The following IL17D variants were observed in gnomAD, a reference collection of about 807,000 sequenced individuals.
The protein encoded by IL17D is interleukin-17D.
A neutral mutation model predicts 5.7 loss-of-function variants in IL17D; 10 were observed. The ratio of observed to expected loss-of-function variants is 1.75; its 90% CI spans 1.08 to 2.97. IL17D has a LOEUF of 2.97. Among genes scored for constraint, IL17D ranks in the 30% most tolerant of loss-of-function variants. IL17D has a pLI of 0.00. For synonymous variants in IL17D, 172 were observed against 141.7 expected, an observed-to-expected ratio of 1.21 and a Z score of -1.52; for missense variants, 354 against 292.7, an observed-to-expected ratio of 1.21 and a Z score of -1.53.
chr13:20,716,289 A>G lies in IL17D; in HGVS notation c.291-5347A>G, dbSNP rs2058678971. Among the ~76,000 whole-genome samples, 1 of 152,050 alleles carries G rather than the reference A, an allele frequency of 6.6e-6. No individual in the cohort carries two copies. The highest frequency in any genetic ancestry group is 2.4e-5 in the African/African-American group (1 of 41,382). On this transcript the variant is annotated intron_variant, in intron 1 of 1. Transcript: ENST00000682841. This position sits in a 1 kb window ranked among gnomAD's most constrained non-coding sequence, Gnocchi z 4.2. Reference sequence around the variant, plus strand: ...GAGTCTGCCCCCTCATTTCTTTTTCAAAATTGTCTTGAGTATTCTTGGCCC... The same window carrying G: ...GAGTCTGCCCCCTCATTTCTTTTTCGAAATTGTCTTGAGTATTCTTGGCCC...
upstream of IL17D, chr13:20,703,278 G>C (rs998564931): frequency 2.0e-6 from 2 of 986,058 alleles, no homozygotes; most frequent in African/African-American, 3.5e-5. Flanking sequence ...ATCTCGGCGC[G>C]AATCTGAAAG....
At chr13:20,703,524 G>A (rs2058560764), upstream of IL17D, 1 of 737,940 alleles carries the variant, frequency 1.4e-6, no homozygotes, top group Non-Finnish European at 1.7e-6. Flanking sequence ...GCGGGCGGAT[G>A]ACGAGGCGCA....
At chr13:20,718,494 AC>A (rs2058697827) in intron 1 of IL17D, among the ~76,000 whole-genome samples, 2 of 106,918 alleles carry the variant, frequency 1.9e-5, no homozygotes, top group Non-Finnish European at 3.9e-5. Flanking sequence ...CTGCCCCCAC[AC>A]ACCTGCCCAC....
chr13:20,704,089 G>GC lies in IL17D; in HGVS notation c.88_89insC (p.Gly30AlafsTer35). On this transcript the variant is annotated frameshift_variant, in exon 1 of 2. Coordinates refer to ENST00000682841, the MANE Select transcript of IL17D (RefSeq NM_001385224.1). LOFTEE classifies it high-confidence loss of function. ...GGGCAGGCGCCCCGCGCGGCCGCGG[G>GC]GCTGCGCGGACCGGCCGGAGGAGCT... The GC allele has an allele frequency of 1.6e-6, 2 of 1,218,048 alleles. No individual in the cohort carries two copies. The highest frequency in any genetic ancestry group is 2.1e-6 in the Non-Finnish European group (2 of 970,304). The allele number at this position is 1,218,048 out of a possible 1,614,324, so 75.5% of individuals were successfully genotyped here. A position where few individuals can be genotyped will look rare whatever the true frequency, so the allele number is the denominator to read the frequency against.
At chr13:20,704,342 C>T (rs1443250889) in intron 1 of IL17D, 51 bp downstream of exon 1, 1 of 194,946 alleles carries the variant, frequency 5.1e-6, no homozygotes. Flanking sequence ...GAGGGCAGGG[C>T]TGGGCGGGGA....
chr13:20,721,969 C>T lies in IL17D; in HGVS notation c.*15C>T, dbSNP rs779781360. ...CTGGCCCCTGAGGCCGGTCCTGCCC[C>T]GGGAGGTCTCCCCGGCCCGCATCCC... is the stretch of plus-strand genomic sequence containing the variant. On this transcript the variant is annotated 3_prime_UTR_variant, in exon 2 of 2. Coordinates refer to ENST00000682841, the MANE Select transcript of IL17D (RefSeq NM_001385224.1). 7.7e-6 allele frequency: 12 copies of T among 1,562,860 alleles called. No individual in the cohort carries two copies. The South Asian group carries it at 1.3e-4, about 17-fold the overall frequency.
rs1387445083 is a variant in IL17D at position 20,704,330 on chromosome 13, G to C, written c.290+39G>C. Reference sequence around the variant, plus strand: ...GCGTCCTGGCGGGGCCCGGCAGGTGGGGAGGGCAGGGCTGGGCGGGGAGAG... The same window carrying C: ...GCGTCCTGGCGGGGCCCGGCAGGTGCGGAGGGCAGGGCTGGGCGGGGAGAG... On this transcript the variant is annotated intron_variant, in intron 1 of 1. Transcript: ENST00000682841. 7.8e-6 allele frequency: 9 copies of C among 1,149,216 alleles called. No individual in the cohort carries two copies. The East Asian group carries it at 1.9e-4, about 25-fold the overall frequency. 71.2% of individuals were successfully genotyped at this position (1,149,216 alleles called of 1,614,324 possible).
chr13:20,708,046 G>T (rs9509342), intron 1 of IL17D, among the ~76,000 whole-genome samples: 97,433 of 152,176 alleles, frequency 0.64, 32,634 homozygotes, highest in Non-Finnish European at 0.75. Flanking sequence ...TGGAGTAGCT[G>T]GGATTACAGG....
upstream of IL17D, chr13:20,702,670 C>T (rs560084194): frequency 6.6e-6 from 1 of 152,278 alleles, no homozygotes; most frequent in South Asian, 2.1e-4. Flanking sequence ...GCACTTAGAA[C>T]TGAGTTATCA....
intron 1 of IL17D, among the ~76,000 whole-genome samples, chr13:20,718,033 CA>C (rs1267217148): frequency 6.6e-6 from 1 of 152,130 alleles, no homozygotes; most frequent in East Asian, 1.9e-4. Context: ...GACGAGAACT[CA>C]GAGGGCCGGG....
At chr13:20,708,635 T>A (rs561739006) in intron 1 of IL17D, among the ~76,000 whole-genome samples, 26 of 151,788 alleles carry the variant, frequency 1.7e-4, no homozygotes, top group African/African-American at 6.0e-4. Context: ...AAGGGCAAAC[T>A]GGGAAAAAAT....
chr13:20,713,014 T>C (rs2058652484), intron 1 of IL17D: 1 of 151,898 alleles, frequency 6.6e-6, no homozygotes, highest in Non-Finnish European at 1.5e-5. Flanking sequence ...CCTCTTTCTT[T>C]TTTATAACGT....
chr13:20,717,632 C>G (rs2058687090), intron 1 of IL17D, among the ~76,000 whole-genome samples: 1 of 152,208 alleles, frequency 6.6e-6, no homozygotes, highest in Non-Finnish European at 1.5e-5. Flanking sequence ...CCCCCGCGCC[C>G]TGGGCAGCAG....
At chr13:20,702,330 G>T (rs1374493173), upstream of IL17D, 1 of 152,174 alleles carries the variant, frequency 6.6e-6, no homozygotes, top group South Asian at 2.1e-4. Flanking sequence ...CAATGCATAG[G>T]AAAGTGTTTT....
Position 20,721,855 on chromosome 13 carries a change from C to G in IL17D, c.510C>G (p.Val170=), listed in dbSNP as rs372465901. Residue 170 remains valine (V), a synonymous_variant, in exon 2 of 2, where the codon GTC becomes GTG. Transcript: ENST00000682841. The part of the protein sequence containing the change: ...YVTIPVGCTC[V]PEPEKDADSI... ...CCATCCCCGTGGGCTGCACCTGCGT[C>G]CCCGAGCCGGAGAAGGACGCAGACA... 2 of 1,610,706 alleles carry G rather than the reference C, an allele frequency of 1.2e-6. No individual in the cohort carries two copies. Among genetic ancestry groups the G allele is most frequent in the Non-Finnish European group, 1.7e-6 (2 of 1,179,816 alleles).
intron 1 of IL17D, among the ~76,000 whole-genome samples, chr13:20,708,960 C>CAAAAAAAAAAAA (rs59047970): frequency 3.1e-5 from 2 of 65,238 alleles, no homozygotes; most frequent in Admixed American, 1.8e-4. Flanking sequence ...GACTCTGTCT[C>CAAAAAAAAAAAA]AAAAAAAAAA....
chr13:20,704,200 C>G lies in IL17D; in HGVS notation c.199C>G (p.Arg67Gly). The change falls in exon 1 of 2, where the codon CGC (arginine) becomes GGC (glycine). Residue 67 changes from arginine (R) to glycine (G), a missense_variant. Transcript: ENST00000682841. ...GCAGCTGGGGCCGCGTGAGCAGGCG[C>G]GCAACGCGAGCTGCCCGGCAGGGGG... ...TLQLGPREQA[R>G]NASCPAGGRP... The G allele has an allele frequency of 2.2e-6, 3 of 1,372,302 alleles. No homozygotes were observed. The highest frequency in any genetic ancestry group is 2.8e-6 in the Non-Finnish European group (3 of 1,057,636). The allele number at this position is 1,372,302 out of a possible 1,614,324, so 85.0% of individuals were successfully genotyped here.
chr13:20,720,874 A>AACCCCCCCCCCCCCCCCC (rs1566522185), intron 1 of IL17D, among the ~76,000 whole-genome samples: 2 of 75,716 alleles, frequency 2.6e-5, no homozygotes, highest in African/African-American at 5.9e-5. Flanking sequence ...CTCCCTCCCA[A>AACCCCCCCCCCCCCCCCC]CCCCCCCCCC....
At chr13:20,719,740 C>T (rs1403759330) in intron 1 of IL17D, among the ~76,000 whole-genome samples, 1 of 152,186 alleles carries the variant, frequency 6.6e-6, no homozygotes, top group African/African-American at 2.4e-5. Context: ...TTTAGGGGGT[C>T]CACAAATGCC....
Sources: gnomAD v4.1 joint callset for allele counts (sites outside exome capture counted in the v4.1 genomes callset) on GRCh38, gnomAD v4.1.1 for gene constraint, Gnocchi (gnomAD v3.1) non-coding constraint, MANE v1.5 for transcripts, NCBI Gene and HGNC (gene_info 2026-07-23, HGNC 2026-07-21) for gene names.